The following RUBCNL variants were observed in gnomAD, a reference collection of about 807,000 sequenced individuals.
RUBCNL encodes protein associated with UVRAG as autophagy enhancer.
Under a neutral mutation model 69.5 loss-of-function variants are expected in RUBCNL, and 62 were observed. The ratio of observed to expected loss-of-function variants is 0.89; its 90% CI spans 0.73 to 1.10. The LOEUF (loss-of-function observed/expected upper bound fraction) is 1.10. Ranked by LOEUF, RUBCNL falls within the 50% of genes least tolerant of loss-of-function variation. The pLI is 0.00. For synonymous variants in RUBCNL, 291 were observed against 303.6 expected, an observed-to-expected ratio of 0.96 and a Z score of 0.43; for missense variants, 768 against 798.1, an observed-to-expected ratio of 0.96 and a Z score of 0.45.
In RUBCNL at chr13:46,335,125, C is replaced by T. The variant is rs551736040; in HGVS notation, c.*8260G>A. Among the ~76,000 whole-genome samples, 4 of 151,738 alleles carry T rather than the reference C, an allele frequency of 2.6e-5. No individual in the cohort carries two copies. The highest frequency in any genetic ancestry group is 2.1e-4 in the South Asian group (1 of 4,806). On this transcript the variant is annotated 3_prime_UTR_variant, in exon 15 of 15. Transcript: ENST00000429979. ...TGTCACCCAGGCTGGAATGCAGTGGCGGGATCATGCCTCACTACAGCCTCA... is the reference window on the plus strand; with the variant it reads ...TGTCACCCAGGCTGGAATGCAGTGGTGGGATCATGCCTCACTACAGCCTCA...
At chr13:46,376,594 A>G (rs971332063) in intron 2 of RUBCNL, among the ~76,000 whole-genome samples, 1 of 152,192 alleles carries the variant, frequency 6.6e-6, no homozygotes, top group Admixed American at 6.6e-5. Flanking sequence ...TCTGGATTTT[A>G]TAATTACAAA....
Position 46,343,380 on chromosome 13 carries a change from G to A in RUBCNL, c.*5C>T. The A allele has an allele frequency of 6.2e-7, 1 of 1,612,278 alleles. No individual in the cohort carries two copies. The highest frequency in any genetic ancestry group is 8.5e-7 in the Non-Finnish European group (1 of 1,179,194). ...GAACAGTCTTTTTCACAGTACTCAG[G>A]GGCATCATGTTGCTGCAGAGGCCAC... is the stretch of plus-strand genomic sequence containing the variant. On this transcript the variant is annotated 3_prime_UTR_variant, in exon 15 of 15. Coordinates refer to ENST00000429979, the MANE Select transcript of RUBCNL (RefSeq NM_025113.5).
chr13:46,363,176 T>A lies in RUBCNL; in HGVS notation c.864A>T (p.Thr288=). The part of the protein sequence containing the change: ...AVLQVSPVTE[T]RTYHDVKEIC... The stretch of plus-strand genomic sequence containing the variant: ...TCTCTTTCACATCATGGTAAGTACG[T>A]GTTTCAGTCACTGGGCTGACCTGTA... Residue 288 remains threonine, a synonymous_variant, in exon 6 of 15, where the codon ACA becomes ACT. Transcript: ENST00000429979. 6.3e-7 allele frequency: 1 copy of A among 1,599,810 alleles called. No homozygotes were observed. The highest frequency in any genetic ancestry group is 1.1e-5 in the South Asian group (1 of 89,514).
Position 46,343,108 on chromosome 13 carries a change from A to G in RUBCNL, c.*277T>C, listed in dbSNP as rs1459981253. 8 of 504,922 alleles carry G rather than the reference A, an allele frequency of 1.6e-5. No homozygotes were observed. In the East Asian group the frequency reaches 1.9e-4, roughly 12 times the overall value. 31.3% of individuals were successfully genotyped at this position (504,922 alleles called of 1,614,324 possible). ...CAAACTGGCTCAGCATCAGTGAAACATAACTATTCAAATACAAAAGTATAA... is the reference window on the plus strand; with the variant it reads ...CAAACTGGCTCAGCATCAGTGAAACGTAACTATTCAAATACAAAAGTATAA... On this transcript the variant is annotated 3_prime_UTR_variant, in exon 15 of 15. Coordinates refer to ENST00000429979, the MANE Select transcript of RUBCNL (RefSeq NM_025113.5).
chr13:46,350,017 G>A (rs559107289), intron 11 of RUBCNL, 96 bp downstream of exon 11: 35 of 898,244 alleles, frequency 3.9e-5, no homozygotes, highest in Non-Finnish European at 6.0e-5. Flanking sequence ...TTGCCTCTTA[G>A]AGGATGTATC....
At chr13:46,384,371 G>A (rs546945342) in intron 1 of RUBCNL, among the ~76,000 whole-genome samples, 3 of 152,016 alleles carry the variant, frequency 2.0e-5, no homozygotes, top group South Asian at 2.1e-4. Flanking sequence ...ATAAAAGAAC[G>A]TAAAAAAGTA....
chr13:46,379,668 G>A lies in RUBCNL; in HGVS notation c.-238-1663C>T, dbSNP rs534511676. Among the ~76,000 whole-genome samples the A allele has an allele frequency of 2.6e-5, 4 of 152,258 alleles. No individual in the cohort carries two copies. In the East Asian group the frequency reaches 5.8e-4, roughly 22 times the overall value. On this transcript the variant is annotated intron_variant, in intron 1 of 14. Coordinates refer to ENST00000429979, the MANE Select transcript of RUBCNL (RefSeq NM_025113.5). ...GAGAATAGAAATCACAAATAAATAA[G>A]AGTCTAGAGTGAAAAGTAAAATTCA...
At chr13:46,356,525 T>A (rs766559009) in intron 9 of RUBCNL, 29 bp from the exon 10 acceptor site, 25 of 1,601,798 alleles carry the variant, frequency 1.6e-5, no homozygotes, top group Non-Finnish European at 2.0e-5. Flanking sequence ...ACTAGTTACA[T>A]TTCAGAGAAG....
At chr13:46,346,582 A>G (rs1332453065) in intron 12 of RUBCNL, among the ~76,000 whole-genome samples, 8 of 152,182 alleles carry the variant, frequency 5.3e-5, no homozygotes, top group Non-Finnish European at 1.2e-4. Context: ...GATTTTTTGT[A>G]CAAGGTAGGA....
chr13:46,372,259 C>A lies in RUBCNL; in HGVS notation c.217G>T (p.Ala73Ser), dbSNP rs771266127. ...PQDLQSQVPA[A>S]GNSGTHFVTD... ...ACAAAATGGGTCCCACTGTTCCCTG[C>A]TGCTGGCACCTGAGATTGCAAGTCC... Residue 73 changes from alanine to serine, a missense_variant, in exon 3 of 15, where the codon GCA becomes TCA. By Grantham distance (99) the Ala-to-Ser change is moderately conservative. Transcript: ENST00000429979. 2 of 1,614,044 alleles carry A rather than the reference C, an allele frequency of 1.2e-6. No homozygotes were observed. The highest frequency in any genetic ancestry group is 8.5e-7 in the Non-Finnish European group (1 of 1,179,896).
At position 46,349,209 on chromosome 13, in the gene RUBCNL, G is replaced by T; in HGVS notation, c.1631+77C>A. 2.4e-6 allele frequency: 3 copies of T among 1,263,616 alleles called. No individual in the cohort carries two copies. The South Asian group carries it at 3.7e-5, about 16-fold the overall frequency. The allele number at this position is 1,263,616 out of a possible 1,614,324, so 78.3% of individuals were successfully genotyped here. A position where few individuals can be genotyped will look rare whatever the true frequency, so the allele number is the denominator to read the frequency against. ...TGCTAAGAAGCCCTGTGTAATGGGG[G>T]AGCCAGATGCAGGAGGCACTAATAG... is the stretch of plus-strand genomic sequence containing the variant. On this transcript the variant is annotated intron_variant, in intron 12 of 14. Transcript: ENST00000429979.
intron 10 of RUBCNL, chr13:46,354,818 G>A: frequency 2.2e-6 from 1 of 456,734 alleles, no homozygotes; most frequent in Non-Finnish European, 4.4e-6. Context: ...CTGAGGGCAA[G>A]GCCACTGTAC....
chr13:46,383,328 C>T (rs1404793284), intron 1 of RUBCNL, among the ~76,000 whole-genome samples: 1 of 152,168 alleles, frequency 6.6e-6, no homozygotes, highest in African/African-American at 2.4e-5. Context: ...AAGACCTTAC[C>T]CATCACCTTC....
chr13:46,372,505 A>G lies in RUBCNL; in HGVS notation c.-30T>C. On this transcript the variant is annotated 5_prime_UTR_variant, in exon 3 of 15. An upstream start codon of the reference 5' UTR is lost. Coordinates refer to ENST00000429979, the MANE Select transcript of RUBCNL (RefSeq NM_025113.5). ...CCAGGCTTGTGGCTGGTGTGAATCC[A>G]TTCAAAACAGATAGGAGTTCCCTGA... 6.4e-7 allele frequency: 1 copy of G among 1,563,378 alleles called. No homozygotes were observed. The highest frequency in any genetic ancestry group is 8.7e-7 in the Non-Finnish European group (1 of 1,153,252).
In RUBCNL at chr13:46,371,946, T is replaced by A; in HGVS notation, c.530A>T (p.Asp177Val). Residue 177 changes from aspartate to valine, a missense_variant, in exon 3 of 15, where the codon GAT (aspartate) becomes GTT (valine). Asp to Val is a radical substitution (Grantham distance 152). Coordinates refer to ENST00000429979, the MANE Select transcript of RUBCNL (RefSeq NM_025113.5). Reference sequence around the variant, plus strand: ...AGGTCACCTACTAAAATTACCTTCATCAGCAGCAGATGTCAGATGGGAAGG... The same window carrying A: ...AGGTCACCTACTAAAATTACCTTCAACAGCAGCAGATGTCAGATGGGAAGG... The part of the protein sequence containing the change: ...FEPSHLTSAA[D>V]EGAVQVSRRT... The A allele has an allele frequency of 6.2e-7, 1 of 1,613,818 alleles. No homozygotes were observed. Among genetic ancestry groups the A allele is most frequent in the Non-Finnish European group, 8.5e-7 (1 of 1,179,792 alleles).
chr13:46,344,732 A>T lies in RUBCNL; in HGVS notation c.1876+9T>A, dbSNP rs547628743. ...ATTATTAAGCTTATGTTATTAAGTT[A>T]TTAAATACCTGAACATCTTCTACAT... On this transcript the variant is annotated intron_variant, in intron 14 of 14. Transcript: ENST00000429979. The T allele has an allele frequency of 6.3e-7, 1 of 1,576,402 alleles. No individual in the cohort carries two copies. Among genetic ancestry groups the T allele is most frequent in the Non-Finnish European group, 8.7e-7 (1 of 1,151,408 alleles).
intron 10 of RUBCNL, chr13:46,354,970 G>A (rs1323591256): frequency 1.3e-5 from 5 of 380,230 alleles, no homozygotes; most frequent in South Asian, 5.7e-5. Context: ...GTTAACCAAA[G>A]AGACATGTTC....
intron 10 of RUBCNL, 41 bp from the exon 11 acceptor site, chr13:46,350,392 G>GA: frequency 7.0e-7 from 1 of 1,423,904 alleles, no homozygotes; most frequent in Non-Finnish European, 9.5e-7. Flanking sequence ...ACCTGGTGCT[G>GA]AAAACCTATC....
chr13:46,369,089 A>G (rs1240789489), intron 3 of RUBCNL, among the ~76,000 whole-genome samples: 2 of 152,236 alleles, frequency 1.3e-5, no homozygotes, highest in South Asian at 2.1e-4. Context: ...AAGAGGGTAG[A>G]AAGAGAATAG....
Sources: allele counts gnomAD v4.1 joint callset (sites outside exome capture counted in the v4.1 genomes callset), GRCh38; gene constraint gnomAD v4.1.1; transcripts MANE v1.5; gene names NCBI Gene and HGNC (gene_info 2026-07-23, HGNC 2026-07-21).